UROC1: variants seen among roughly 807,000 people sequenced by gnomAD.
UROC1 encodes the protein urocanate hydratase.
In UROC1, 79 loss-of-function variants were observed where a neutral mutation model predicts 89.5. That is an observed-to-expected ratio of 0.88 (90% CI 0.74 to 1.06). The LOEUF is 1.06. UROC1 is among the 50% of genes least tolerant of loss of function. UROC1 has a pLI of 0.00. For synonymous variants in UROC1, 361 were observed against 354.8 expected (o/e 1.02, Z -0.20); for missense variants, 885 against 907.8 (o/e 0.97, Z 0.32).
Position 126,517,634 on chromosome 3 carries a change from G to C in UROC1, c.86C>G (p.Ala29Gly). 6.2e-7 allele frequency: 1 copy of C among 1,611,790 alleles called. No individual in the cohort carries two copies. Among genetic ancestry groups the C allele is most frequent in the Non-Finnish European group, 8.5e-7 (1 of 1,179,544 alleles). The change falls in exon 1 of 20, where the codon GCC becomes GGC. Residue 29 changes from alanine to glycine, a missense_variant. By Grantham distance (60) the Ala-to-Gly change is moderately conservative. Coordinates refer to ENST00000290868, the MANE Select transcript of UROC1 (RefSeq NM_144639.3). ...GCTGAGGCTGGGGGTCCTGACAGGG[G>C]CATGGGGCACCCCAGCCTGGCGTCC... is the stretch of plus-strand genomic sequence containing the variant. The part of the protein sequence containing the change: ...NRGRQAGVPH[A>G]PVRTPSLSPV...
chr3:126,492,803 C>T (rs1366800890), intron 15 of UROC1, among the ~76,000 whole-genome samples: 2 of 152,200 alleles, frequency 1.3e-5, no homozygotes, highest in African/African-American at 4.8e-5. Flanking sequence ...CCAGAGGGGC[C>T]TTGGAGCCCC....
chr3:126,498,986 G>C (rs1354685142), intron 13 of UROC1, among the ~76,000 whole-genome samples: 1 of 152,100 alleles, frequency 6.6e-6, no homozygotes, highest in Non-Finnish European at 1.5e-5. Context: ...AGCAGGTGCT[G>C]GGCTTCATGA....
intron 19 of UROC1, among the ~76,000 whole-genome samples, chr3:126,483,031 C>T (rs1935424851): frequency 6.6e-6 from 1 of 152,172 alleles, no homozygotes; most frequent in African/African-American, 2.4e-5. Context: ...CCCTGCAGCT[C>T]CCGGTGAGAT....
Position 126,481,415 on chromosome 3 carries a change from C to G in UROC1, c.*930G>C, listed in dbSNP as rs535897317. On this transcript the variant is annotated 3_prime_UTR_variant, in exon 20 of 20. Transcript: ENST00000290868. ...GCAGGGAGGGTGGGGACCAAGAACC[C>G]GGCTTGGTCCTGGAGAGGGCAGTGG... The G allele has an allele frequency of 6.6e-6, 1 of 152,142 alleles. No individual in the cohort carries two copies. Among genetic ancestry groups the G allele is most frequent in the African/African-American group, 2.4e-5 (1 of 41,422 alleles). The allele number at this position is 152,142 out of a possible 1,614,324, so 9.4% of individuals were successfully genotyped here. A position where few individuals can be genotyped will look rare whatever the true frequency, so the allele number is the denominator to read the frequency against.
intron 1 of UROC1, among the ~76,000 whole-genome samples, chr3:126,515,297 T>C: frequency 6.6e-6 from 1 of 151,864 alleles, no homozygotes; most frequent in Non-Finnish European, 1.5e-5. Flanking sequence ...TAACAACACC[T>C]GGACAACTGG....
At chr3:126,503,943 C>T in intron 9 of UROC1, 52 bp downstream of exon 9, 1 of 1,608,420 alleles carries the variant, frequency 6.2e-7, no homozygotes, top group Admixed American at 1.7e-5. Flanking sequence ...TTGTGGTCTC[C>T]TGCTGCCACG....
chr3:126,510,570 G>T, intron 2 of UROC1, 94 bp downstream of exon 2: 1 of 1,559,750 alleles, frequency 6.4e-7, no homozygotes, highest in Admixed American at 1.8e-5. Flanking sequence ...CCCCCTCACT[G>T]CCGACTCCCT....
Position 126,505,822 on chromosome 3 carries a change from C to A in UROC1, c.692G>T (p.Arg231Leu), listed in dbSNP as rs781249685. Reference sequence around the variant, plus strand: ...CAAGTCCTCGATGCCCAGGTACCGACGTGCAGCATTCAACACGGTGAGCTG... The same window carrying A: ...CAAGTCCTCGATGCCCAGGTACCGAAGTGCAGCATTCAACACGGTGAGCTG... The part of the protein sequence containing the change: ...GTVLTVLNAA[R>L]RYLGIEDLAG... The change falls in exon 8 of 20, where the codon CGT (arginine) becomes CTT (leucine). Residue 231 changes from arginine (R) to leucine (L), a missense_variant. Coordinates refer to ENST00000290868, the MANE Select transcript of UROC1 (RefSeq NM_144639.3). The A allele has an allele frequency of 2.5e-6, 4 of 1,613,860 alleles. No homozygotes were observed. The South Asian group carries it at 4.4e-5, about 18-fold the overall frequency.
chr3:126,500,210 G>A (rs1935885065), intron 11 of UROC1, 56 bp from the exon 12 acceptor site: 1 of 1,571,822 alleles, frequency 6.4e-7, no homozygotes. Context: ...CCTCCCCAAT[G>A]TGGCACCCTC....
chr3:126,507,723 G>A lies in UROC1; in HGVS notation c.602+19C>T. 1 of 1,613,332 alleles carries A rather than the reference G, an allele frequency of 6.2e-7. No homozygotes were observed. Among genetic ancestry groups the A allele is most frequent in the Non-Finnish European group, 8.5e-7 (1 of 1,179,284 alleles). On this transcript the variant is annotated intron_variant, in intron 6 of 19. Coordinates refer to ENST00000290868, the MANE Select transcript of UROC1 (RefSeq NM_144639.3). Reference sequence around the variant, plus strand: ...CTAACGGGGAAACACGGTGTAAACAGACTGAAATAGTGACTTACATTGTAA... The same window carrying A: ...CTAACGGGGAAACACGGTGTAAACAAACTGAAATAGTGACTTACATTGTAA...
At chr3:126,497,131 C>T (rs1935794796) in intron 14 of UROC1, among the ~76,000 whole-genome samples, 1 of 152,158 alleles carries the variant, frequency 6.6e-6, no homozygotes, top group African/African-American at 2.4e-5. Context: ...CGTCTCCCCT[C>T]TGCCTGGCTC....
rs541024412 is a variant in UROC1 at position 126,489,367 on chromosome 3, C to T, written c.1617G>A (p.Val539=). ...AIACRRIKAP[V]VLSRDHHDVS... is the part of the protein sequence containing the mutation. ...CGTCATGGTGATCTCGGCTCAGGACCACCGGCGCCTGTGCATGGAAGGACA... is the reference window on the plus strand; with the variant it reads ...CGTCATGGTGATCTCGGCTCAGGACTACCGGCGCCTGTGCATGGAAGGACA... The change falls in exon 17 of 20, where the codon GTG becomes GTA. Residue 539 remains valine (V), a synonymous_variant. Transcript: ENST00000290868. The T allele has an allele frequency of 6.2e-7, 1 of 1,612,106 alleles. No individual in the cohort carries two copies. Among genetic ancestry groups the T allele is most frequent in the African/African-American group, 1.3e-5 (1 of 75,054 alleles).
intron 1 of UROC1, among the ~76,000 whole-genome samples, chr3:126,514,218 C>T (rs1576733358): frequency 6.6e-6 from 1 of 152,228 alleles, no homozygotes; most frequent in African/African-American, 2.4e-5. Context: ...CCCTGTGGAG[C>T]TCTGCCCCTC....
intron 5 of UROC1, 46 bp downstream of exon 5, chr3:126,507,921 T>A: frequency 6.2e-7 from 1 of 1,613,284 alleles, no homozygotes; most frequent in Non-Finnish European, 8.5e-7. Context: ...CTGCACCCTC[T>A]CTTTGGAGCC....
intron 10 of UROC1, 25 bp downstream of exon 10, chr3:126,501,193 C>A: frequency 6.2e-7 from 1 of 1,613,122 alleles, no homozygotes; most frequent in South Asian, 1.1e-5. Flanking sequence ...CCCAAGCTGG[C>A]CATCAACTCC....
At chr3:126,508,822 C>T (rs1390973508) in intron 3 of UROC1, among the ~76,000 whole-genome samples, 1 of 152,114 alleles carries the variant, frequency 6.6e-6, no homozygotes, top group East Asian at 1.9e-4. Flanking sequence ...AACATATCAC[C>T]CCCAAGGAAT....
rs1446371027 is a variant in UROC1, at chr3:126,481,359, G to A, written c.*986C>T. The A allele has an allele frequency of 6.6e-6, 1 of 152,260 alleles. No individual in the cohort carries two copies. The highest frequency in any genetic ancestry group is 2.4e-5 in the African/African-American group (1 of 41,438). The allele number at this position is 152,260 out of a possible 1,614,324, so 9.4% of individuals were successfully genotyped here. On this transcript the variant is annotated 3_prime_UTR_variant, in exon 20 of 20. Transcript: ENST00000290868. ...AGGCTTTTGTTCACAAGGGAAAGGGGAGAATGGCTGCTGGGGAGGAGATGC... is the reference window on the plus strand; with the variant it reads ...AGGCTTTTGTTCACAAGGGAAAGGGAAGAATGGCTGCTGGGGAGGAGATGC...
chr3:126,504,146 T>C, intron 8 of UROC1, 63 bp from the exon 9 acceptor site: 1 of 1,547,270 alleles, frequency 6.5e-7, no homozygotes, highest in African/African-American at 1.4e-5. Flanking sequence ...CTTCCCTAAG[T>C]GTATCATCCT....
In UROC1 at chr3:126,499,362, G is replaced by A; in HGVS notation, c.1291C>T (p.Pro431Ser). The A allele has an allele frequency of 6.2e-7, 1 of 1,612,158 alleles. No homozygotes were observed. ...KGAGRTEFRY[P>S]SYVQHIMGDI... ...CCCATGATGTGCTGCACATAGGAAGGGTAGCGGAACTCTGTCCTGCCAGCA... is the reference window on the plus strand; with the variant it reads ...CCCATGATGTGCTGCACATAGGAAGAGTAGCGGAACTCTGTCCTGCCAGCA... Residue 431 changes from proline (P) to serine (S), a missense_variant, in exon 13 of 20, where the codon CCT becomes TCT. Transcript: ENST00000290868.
Sources: gnomAD v4.1 joint callset for allele counts (sites outside exome capture counted in the v4.1 genomes callset) on GRCh38, gnomAD v4.1.1 for gene constraint, MANE v1.5 for transcripts, NCBI Gene and HGNC (gene_info 2026-07-23, HGNC 2026-07-21) for gene names.